Variants in ALK observed in about 807,000 individuals in gnomAD.
The protein encoded by ALK is ALK receptor tyrosine kinase, also known as ALK tyrosine kinase receptor.
Under a neutral mutation model 163.1 loss-of-function variants are expected in ALK, and 74 were observed. The observed-to-expected ratio is 0.45, with a 90% CI of 0.38 to 0.55. The LOEUF is 0.55. Among genes scored for constraint, ALK ranks in the 20% least tolerant of loss-of-function variants. The pLI, the probability that ALK is intolerant of heterozygous loss-of-function variation, is 0.00. For synonymous variants in ALK, 960 were observed against 843.2 expected (o/e 1.14, Z -2.40); for missense variants, 2,063 against 2,105.3 (o/e 0.98, Z 0.39).
intron 1 of ALK, among the ~76,000 whole-genome samples, chr2:29,748,469 G>A (rs888345167): frequency 1.3e-5 from 2 of 152,128 alleles, no homozygotes; most frequent in African/African-American, 2.4e-5. Flanking sequence ...AAGTGTCTGG[G>A]GTGGAGCCTA....
At chr2:29,621,758 C>G (rs1047332937) in intron 3 of ALK, among the ~76,000 whole-genome samples, 1 of 152,208 alleles carries the variant, frequency 6.6e-6, no homozygotes, top group Non-Finnish European at 1.5e-5. Context: ...GTGACCCCCT[C>G]AAGAATTCAA....
At chr2:29,670,305 A>T (rs1244043582) in intron 3 of ALK, among the ~76,000 whole-genome samples, 2 of 151,950 alleles carry the variant, frequency 1.3e-5, no homozygotes, top group Non-Finnish European at 2.9e-5. Flanking sequence ...GGAAGGCAGA[A>T]TTTTTTTCCT....
chr2:29,339,697 A>G (rs976815767), intron 5 of ALK, among the ~76,000 whole-genome samples: 17 of 152,118 alleles, frequency 1.1e-4, no homozygotes, highest in Non-Finnish European at 7.4e-5. Flanking sequence ...TGACATAGAG[A>G]TGGAGGGAGG....
intron 3 of ALK, among the ~76,000 whole-genome samples, chr2:29,533,350 A>T (rs1673168645): frequency 6.6e-6 from 1 of 152,224 alleles, no homozygotes; most frequent in Non-Finnish European, 1.5e-5. Flanking sequence ...AAGACAAAGA[A>T]TTGGGAAGAT....
intron 1 of ALK, among the ~76,000 whole-genome samples, chr2:29,891,541 C>A (rs1021500676): frequency 6.6e-6 from 1 of 152,158 alleles, no homozygotes; most frequent in Non-Finnish European, 1.5e-5. Flanking sequence ...TGCAAATGGC[C>A]TTAGAGATCA....
At chr2:29,863,399 T>C (rs1453261742) in intron 1 of ALK, among the ~76,000 whole-genome samples, 1 of 152,172 alleles carries the variant, frequency 6.6e-6, no homozygotes, top group Non-Finnish European at 1.5e-5. Context: ...GTCCAAAACG[T>C]ATAAAGTACT....
At chr2:29,356,133 G>T (rs1412216049) in intron 5 of ALK, among the ~76,000 whole-genome samples, 2 of 152,216 alleles carry the variant, frequency 1.3e-5, no homozygotes, top group Non-Finnish European at 2.9e-5. Flanking sequence ...AGGCCCCTCT[G>T]TCCTGATGCA....
At chr2:29,307,936 G>A (rs1327828930) in intron 8 of ALK, among the ~76,000 whole-genome samples, 1 of 152,130 alleles carries the variant, frequency 6.6e-6, no homozygotes, top group Non-Finnish European at 1.5e-5. Context: ...AGAAGCCAGG[G>A]AACACCAGTG....
chr2:29,732,868 C>G (rs1215361387), intron 1 of ALK, among the ~76,000 whole-genome samples: 1 of 150,736 alleles, frequency 6.6e-6, no homozygotes, highest in Non-Finnish European at 1.5e-5. Context: ...GAACAATAAA[C>G]TTCTGTTGTT....
chr2:29,464,232 C>A (rs1250951856), intron 4 of ALK, among the ~76,000 whole-genome samples: 2 of 152,042 alleles, frequency 1.3e-5, no homozygotes, highest in African/African-American at 2.4e-5. Context: ...TCAGTGGAAA[C>A]AGAGATAGAA....
At chr2:29,702,362 A>G (rs1168342836) in intron 2 of ALK, among the ~76,000 whole-genome samples, 1 of 152,156 alleles carries the variant, frequency 6.6e-6, no homozygotes, top group Admixed American at 6.5e-5. Flanking sequence ...AGAGAGGGAA[A>G]GGCAGGGCAA....
chr2:29,870,187 C>T (rs1193713778), intron 1 of ALK, among the ~76,000 whole-genome samples: 1 of 152,148 alleles, frequency 6.6e-6, no homozygotes, highest in African/African-American at 2.4e-5. Context: ...TCTGTTCTCA[C>T]ACTGCTATAA....
At chr2:29,210,682 C>T (rs938746935) in intron 24 of ALK, among the ~76,000 whole-genome samples, 4 of 152,184 alleles carry the variant, frequency 2.6e-5, no homozygotes, top group Non-Finnish European at 5.9e-5. Context: ...GATCCACCTG[C>T]CTCGGCCTCC....
chr2:29,216,125 T>C lies in ALK; in HGVS notation c.3646-2044A>G, dbSNP rs200267666. 6.6e-5 allele frequency among the ~76,000 whole-genome samples: 10 copies of C among 152,290 alleles called. No homozygotes were observed. In the East Asian group the frequency reaches 1.5e-3, roughly 24 times the overall value. On this transcript the variant is annotated intron_variant, in intron 23 of 28. Transcript: ENST00000389048. ...CCATCAAGCAGCACTCATGCCTGCA[T>C]CATCCCTCCTGCGGCAAAGAGTTGG...
chr2:29,909,755 G>A (rs1404860027), intron 1 of ALK, among the ~76,000 whole-genome samples: 1 of 152,098 alleles, frequency 6.6e-6, no homozygotes, highest in African/African-American at 2.4e-5. Flanking sequence ...GAATACCCGA[G>A]GCATGTGATG....
chr2:29,585,542 G>T (rs1427591273), intron 3 of ALK, among the ~76,000 whole-genome samples: 3 of 152,096 alleles, frequency 2.0e-5, no homozygotes, highest in Non-Finnish European at 4.4e-5. Context: ...TGGTCAGACT[G>T]GTCTTGAACT....
intron 1 of ALK, among the ~76,000 whole-genome samples, chr2:29,897,295 C>T (rs72856301): frequency 0.018 from 2,757 of 151,692 alleles, 70 homozygotes; most frequent in African/African-American, 0.058. Context: ...GAGCTGAAAT[C>T]GTACCACTGT....
intron 3 of ALK, among the ~76,000 whole-genome samples, chr2:29,551,940 C>T (rs770421952): frequency 2.3e-4 from 35 of 152,194 alleles, no homozygotes; most frequent in Admixed American, 1.3e-4. Context: ...TGTTGTGCAA[C>T]TATCATCACA....
chr2:29,870,287 G>A (rs1362009449), intron 1 of ALK, among the ~76,000 whole-genome samples: 1 of 152,174 alleles, frequency 6.6e-6, no homozygotes, highest in Non-Finnish European at 1.5e-5. Context: ...CTTCTGAGGA[G>A]GCCTCAGGAA....
Sources: allele counts gnomAD v4.1 joint callset (sites outside exome capture counted in the v4.1 genomes callset), GRCh38; gene constraint gnomAD v4.1.1; transcripts MANE v1.5; gene names NCBI Gene and HGNC (gene_info 2026-07-23, HGNC 2026-07-21).